Variants in ST18 observed in about 807,000 individuals in gnomAD.
ST18 encodes suppression of tumorigenicity 18 protein.
A neutral mutation model predicts 110.0 loss-of-function variants in ST18; 50 were observed. That is an observed-to-expected ratio of 0.45 (90% confidence interval 0.36 to 0.58). The LOEUF is 0.58. Among genes scored for constraint, ST18 ranks in the 20% least tolerant of loss-of-function variants. ST18 has a pLI of 0.00. For missense variants in ST18, 1,306 were observed against 1,280.1 expected, an observed-to-expected ratio of 1.02 and a Z score of -0.31; for synonymous variants, 461 against 452.4, an observed-to-expected ratio of 1.02 and a Z score of -0.24.
At chr8:52,148,954 C>T (rs1246577700) in intron 16 of ST18, among the ~76,000 whole-genome samples, 1 of 152,194 alleles carries the variant, frequency 6.6e-6, no homozygotes, top group East Asian at 1.9e-4. Context: ...AACAACTTCC[C>T]TGACAAAGAG....
At chr8:52,119,635 A>G (rs1375390800) in intron 23 of ST18, among the ~76,000 whole-genome samples, 1 of 152,210 alleles carries the variant, frequency 6.6e-6, no homozygotes, top group Non-Finnish European at 1.5e-5. Context: ...TGCACACAGG[A>G]AGCATGCATA....
At chr8:52,331,948 A>G (rs183542936) in intron 2 of ST18, among the ~76,000 whole-genome samples, 14 of 152,332 alleles carry the variant, frequency 9.2e-5, no homozygotes, top group Admixed American at 7.2e-4. Flanking sequence ...GAATTATTTA[A>G]TAAAAGTCAA....
intron 2 of ST18, among the ~76,000 whole-genome samples, chr8:52,281,601 T>C (rs907670004): frequency 2.6e-5 from 4 of 152,196 alleles, no homozygotes; most frequent in Admixed American, 6.5e-5. Flanking sequence ...AGATAGCTAA[T>C]GGTATCACAG....
intron 2 of ST18, among the ~76,000 whole-genome samples, chr8:52,240,234 G>A (rs1002080631): frequency 3.9e-5 from 6 of 151,944 alleles, no homozygotes; most frequent in Non-Finnish European, 8.8e-5. Context: ...ATATATAATT[G>A]ATGTATGATA....
chr8:52,174,452 G>A (rs982621636), intron 9 of ST18, among the ~76,000 whole-genome samples: 1 of 152,172 alleles, frequency 6.6e-6, no homozygotes, highest in Admixed American at 6.6e-5. Flanking sequence ...GTACGATAAT[G>A]ATTTATAGAC....
At chr8:52,262,602 A>T (rs1201797232) in intron 2 of ST18, among the ~76,000 whole-genome samples, 1 of 152,240 alleles carries the variant, frequency 6.6e-6, no homozygotes, top group African/African-American at 2.4e-5. Context: ...CAAGAAATGA[A>T]CTACTTTTGT....
At chr8:52,230,906 C>A (rs973994837) in intron 2 of ST18, among the ~76,000 whole-genome samples, 1 of 152,084 alleles carries the variant, frequency 6.6e-6, no homozygotes, top group African/African-American at 2.4e-5. Flanking sequence ...GGAAGGATAG[C>A]CTCAAAAGTT....
intron 15 of ST18, among the ~76,000 whole-genome samples, chr8:52,150,410 G>T (rs1023713270): frequency 2.6e-5 from 4 of 152,056 alleles, no homozygotes; most frequent in Admixed American, 6.6e-5. Context: ...TTTATCAAAA[G>T]GCATGTATAA....
intron 3 of ST18, 50 bp downstream of exon 3, chr8:52,229,982 G>C (rs1473321381): frequency 6.6e-6 from 1 of 152,536 alleles, no homozygotes; most frequent in African/African-American, 2.4e-5. Flanking sequence ...AAAAGTTGGA[G>C]ATTCTTTTTC....
chr8:52,251,211 C>T (rs998279554), intron 2 of ST18, among the ~76,000 whole-genome samples: 13 of 152,036 alleles, frequency 8.6e-5, no homozygotes, highest in African/African-American at 2.4e-4. Flanking sequence ...AACCTTGAAA[C>T]CTTTGGGGAA....
At chr8:52,250,917 T>G (rs1463254444) in intron 2 of ST18, among the ~76,000 whole-genome samples, 3 of 152,156 alleles carry the variant, frequency 2.0e-5, no homozygotes, top group African/African-American at 4.8e-5. Context: ...TCACATTGAT[T>G]GAGTTTAAAC....
At chr8:52,223,610 C>A (rs1488082752) in intron 3 of ST18, among the ~76,000 whole-genome samples, 1 of 150,644 alleles carries the variant, frequency 6.6e-6, no homozygotes, top group Admixed American at 6.6e-5. Context: ...CACTGCTACA[C>A]TCCAGCCTGA....
chr8:52,116,561 G>T (rs2042620837), intron 24 of ST18, 143 bp from the exon 25 acceptor site: 1 of 793,172 alleles, frequency 1.3e-6, no homozygotes, highest in African/African-American at 1.8e-5. Flanking sequence ...GCATGAAGCT[G>T]CAGCCCCACT....
intron 2 of ST18, among the ~76,000 whole-genome samples, chr8:52,289,510 A>T (rs182530157): frequency 6.6e-6 from 1 of 152,298 alleles, no homozygotes; most frequent in East Asian, 1.9e-4. Flanking sequence ...TATCTTAATG[A>T]TGATATGAAC....
At chr8:52,261,225 C>T (rs540038854) in intron 2 of ST18, among the ~76,000 whole-genome samples, 2 of 152,118 alleles carry the variant, frequency 1.3e-5, no homozygotes, top group Non-Finnish European at 2.9e-5. Context: ...AGAGTTCACA[C>T]AATATTTTTC....
chr8:52,193,570 G>A (rs1404758190), intron 8 of ST18, among the ~76,000 whole-genome samples: 1 of 151,850 alleles, frequency 6.6e-6, no homozygotes, highest in East Asian at 1.9e-4. Flanking sequence ...CATCTGACAG[G>A]TACTGCTCCC....
At chr8:52,120,176 A>G (rs1428978508) in intron 23 of ST18, among the ~76,000 whole-genome samples, 1 of 152,180 alleles carries the variant, frequency 6.6e-6, no homozygotes, top group Non-Finnish European at 1.5e-5. Flanking sequence ...CAGACAACTG[A>G]TGGGTAAGAG....
chr8:52,295,412 C>T (rs1158721427), intron 2 of ST18, among the ~76,000 whole-genome samples: 1 of 152,080 alleles, frequency 6.6e-6, no homozygotes, highest in Non-Finnish European at 1.5e-5. Flanking sequence ...TTTTTTCCCT[C>T]TCTCTCTAAG....
chr8:52,118,277 G>A, intron 24 of ST18, 61 bp downstream of exon 24: 2 of 1,159,142 alleles, frequency 1.7e-6, no homozygotes, highest in Non-Finnish European at 2.5e-6. Context: ...AAATTTCAAT[G>A]TTTTGTTTCC....
Sources: allele counts gnomAD v4.1 joint callset (sites outside exome capture counted in the v4.1 genomes callset), GRCh38; gene constraint gnomAD v4.1.1; transcripts MANE v1.5; gene names NCBI Gene and HGNC (gene_info 2026-07-23, HGNC 2026-07-21).